CCL14: variants seen among roughly 807,000 people sequenced by gnomAD.
CCL14 encodes C-C motif chemokine 14.
In CCL14, 8 loss-of-function variants were observed where a neutral mutation model predicts 8.2. That is an observed-to-expected ratio of 0.98 (90% confidence interval 0.57 to 1.76). The LOEUF (loss-of-function observed/expected upper bound fraction) is 1.76, where lower values mean the gene tolerates loss of function less well. Ranked by LOEUF, CCL14 falls within the 40% of genes most tolerant of loss-of-function variation. CCL14 has a pLI of 0.00. For missense variants in CCL14, 127 were observed against 118.3 expected, an observed-to-expected ratio of 1.07 and a Z score of -0.34; for synonymous variants, 50 against 43.2, an observed-to-expected ratio of 1.16 and a Z score of -0.62.
chr17:35,984,340 A>G lies in CCL14; in HGVS notation c.192T>C (p.Ile64=). Residue 64 remains isoleucine, a splice_region_variant and synonymous_variant, in exon 2 of 3, where the codon ATT becomes ATC. Transcript: ENST00000618404. ...TGTGATGTGTGTGTACCACCTACAC[A>G]ATTCCGGGCTTGGAGCACTGGCTGT... ...ETNSQCSKPG[I]VFITKRGHSV... 1 of 1,608,576 alleles carries G rather than the reference A, an allele frequency of 6.2e-7. No homozygotes were observed. The highest frequency in any genetic ancestry group is 8.5e-7 in the Non-Finnish European group (1 of 1,175,184).
At chr17:35,986,537 C>A in intron 1 of CCL14, 34 bp downstream of exon 1, 1 of 1,557,422 alleles carries the variant, frequency 6.4e-7, no homozygotes, top group Non-Finnish European at 8.9e-7. Flanking sequence ...CCTGCAGGCT[C>A]TAGGTTGGAA....
At chr17:35,984,518 T>G in intron 1 of CCL14, 66 bp from the exon 2 acceptor site, 1 of 1,021,452 alleles carries the variant, frequency 9.8e-7, no homozygotes, top group Non-Finnish European at 1.6e-6. Flanking sequence ...TGGCTGCTCC[T>G]GCAAGCTGAG....
rs754288246 is a variant in CCL14, at chr17:35,983,850, G to A, written c.233C>T (p.Pro78Leu). The change falls in exon 3 of 3, where the codon CCC (proline) becomes CTC (leucine). Residue 78 changes from proline (P) to leucine (L), a missense_variant. Coordinates refer to ENST00000618404, the MANE Select transcript of CCL14 (RefSeq NM_032963.4). The part of the protein sequence containing the change: ...TKRGHSVCTN[P>L]SDKWVQDYIK... ...ATAGTCCTGGACCCACTTGTCACTG[G>A]GGTTGGTACAGACGGAATGGCCCCT... is the stretch of plus-strand genomic sequence containing the variant. 1 of 1,614,104 alleles carries A rather than the reference G, an allele frequency of 6.2e-7. No individual in the cohort carries two copies. The highest frequency in any genetic ancestry group is 1.7e-5 in the Admixed American group (1 of 60,032).
intron 1 of CCL14, 164 bp from the exon 2 acceptor site, chr17:35,984,616 A>T: frequency 1.6e-6 from 1 of 615,444 alleles, no homozygotes; most frequent in Non-Finnish European, 2.9e-6. Flanking sequence ...CTCCTTCTCC[A>T]TGGTACTCCT....
intron 2 of CCL14, 94 bp downstream of exon 2, chr17:35,984,244 C>T: frequency 2.2e-6 from 2 of 927,126 alleles, no homozygotes; most frequent in Non-Finnish European, 3.5e-6. Flanking sequence ...GGGAGGTACG[C>T]TGGGGGTCCC....
Position 35,984,248 on chromosome 17 carries a change from G to A in CCL14, c.194+90C>T, listed in dbSNP as rs2089720006. ...TAGTCACACCTGGGAGGTACGCTGG[G>A]GGTCCCCATTCCACCACCACTCCCT... On this transcript the variant is annotated intron_variant, in intron 2 of 2. Transcript: ENST00000618404. 5 of 954,360 alleles carry A rather than the reference G, an allele frequency of 5.2e-6. No individual in the cohort carries two copies. In the Admixed American group the frequency reaches 5.4e-5, roughly 10 times the overall value. 59.1% of individuals were successfully genotyped at this position (954,360 alleles called of 1,614,324 possible). A position where few individuals can be genotyped will look rare whatever the true frequency, so the allele number is the denominator to read the frequency against.
intron 2 of CCL14, 110 bp from the exon 3 acceptor site, chr17:35,983,998 T>A (rs767076363): frequency 1.9e-5 from 16 of 830,046 alleles, no homozygotes; most frequent in Middle Eastern, 3.3e-4. Context: ...CTGCTTTTCC[T>A]TTCTTCCACA....
intron 2 of CCL14, 26 bp downstream of exon 2, chr17:35,984,312 C>G (rs768680560): frequency 2.0e-6 from 3 of 1,521,302 alleles, no homozygotes; most frequent in Non-Finnish European, 1.8e-6. Flanking sequence ...CCTCTCCCCC[C>G]AGTGTGATGT....
intron 2 of CCL14, 37 bp from the exon 3 acceptor site, chr17:35,983,925 G>C (rs372084156): frequency 2.7e-6 from 4 of 1,482,426 alleles, no homozygotes; most frequent in Admixed American, 1.7e-5. Context: ...CAAACCGAGG[G>C]GCCCAGTGGC....
At chr17:35,984,478 G>A in intron 1 of CCL14, 26 bp from the exon 2 acceptor site, 2 of 1,535,490 alleles carry the variant, frequency 1.3e-6, no homozygotes, top group Non-Finnish European at 9.0e-7. Context: ...CAGATGCTGA[G>A]GAGGGGCCCC....
chr17:35,986,463 C>T lies in CCL14; in HGVS notation c.79+108G>A, dbSNP rs1471882743. 5 of 782,400 alleles carry T rather than the reference C, an allele frequency of 6.4e-6. No homozygotes were observed. In the East Asian group the frequency reaches 1.3e-4, roughly 20 times the overall value. The allele number at this position is 782,400 out of a possible 1,614,324, so 48.5% of individuals were successfully genotyped here. A position where few individuals can be genotyped will look rare whatever the true frequency, so the allele number is the denominator to read the frequency against. ...ACACACAATTTCAAGAAGATACCAG[C>T]CCTCCTTTCTGAGTCCCTGCTCCTG... On this transcript the variant is annotated intron_variant, in intron 1 of 2. Coordinates refer to ENST00000618404, the MANE Select transcript of CCL14 (RefSeq NM_032963.4).
chr17:35,983,613 G>A lies in CCL14; in HGVS notation c.*188C>T, dbSNP rs544800293. On this transcript the variant is annotated 3_prime_UTR_variant, in exon 3 of 3. Coordinates refer to ENST00000618404, the MANE Select transcript of CCL14 (RefSeq NM_032963.4). ...GGTGCCACACCCTGGTGTCCTCAGT[G>A]CATGGCCAATGAGTAAATCCCGTAG... 2 of 590,374 alleles carry A rather than the reference G, an allele frequency of 3.4e-6. No individual in the cohort carries two copies. Among genetic ancestry groups the A allele is most frequent in the Non-Finnish European group, 6.1e-6 (2 of 329,408 alleles). 36.6% of individuals were successfully genotyped at this position (590,374 alleles called of 1,614,324 possible).
rs978953753 is a variant in CCL14, at chr17:35,986,590, G to A, written c.60C>T (p.Thr20=). ...FFLLITIALG[T]KTESSSRGPY... ...ACTCACGTGAGGAGGATTCAGTCTT[G>A]GTCCCTAGGGCGATGGTGATGAGGA... The change falls in exon 1 of 3, where the codon ACC becomes ACT. Residue 20 remains threonine, a synonymous_variant. Coordinates refer to ENST00000618404, the MANE Select transcript of CCL14 (RefSeq NM_032963.4). 4 of 1,613,744 alleles carry A rather than the reference G, an allele frequency of 2.5e-6. No homozygotes were observed. The highest frequency in any genetic ancestry group is 3.4e-6 in the Non-Finnish European group (4 of 1,179,758).
intron 1 of CCL14, chr17:35,986,320 C>A: frequency 4.1e-6 from 2 of 492,386 alleles, no homozygotes; most frequent in Non-Finnish European, 7.2e-6. Flanking sequence ...TGGAAGATCC[C>A]AACTTAAACT....
At chr17:35,986,488 G>A (rs780531610) in intron 1 of CCL14, 83 bp downstream of exon 1, 82 of 1,056,644 alleles carry the variant, frequency 7.8e-5, no homozygotes, top group Non-Finnish European at 1.1e-4. Flanking sequence ...CCCTGCTCCT[G>A]GTCTTCCCCT....
intron 1 of CCL14, chr17:35,985,955 G>A: frequency 1.6e-6 from 1 of 614,126 alleles, no homozygotes; most frequent in Non-Finnish European, 2.8e-6. Flanking sequence ...TGCACTCACT[G>A]GGCACAGGTG....
At chr17:35,983,991 CT>C in intron 2 of CCL14, 103 bp from the exon 3 acceptor site, 2 of 848,144 alleles carry the variant, frequency 2.4e-6, no homozygotes, top group Admixed American at 3.7e-5. Flanking sequence ...ACCTATACTG[CT>C]TTTCCTTTCT....
intron 1 of CCL14, 54 bp from the exon 2 acceptor site, chr17:35,984,506 A>G (rs1488203626): frequency 3.5e-6 from 4 of 1,139,952 alleles, no homozygotes; most frequent in Admixed American, 1.7e-5. Flanking sequence ...AGGCCATACC[A>G]TTGGCTGCTC....
At chr17:35,984,523 G>T (rs2089729922) in intron 1 of CCL14, 71 bp from the exon 2 acceptor site, 2 of 957,432 alleles carry the variant, frequency 2.1e-6, no homozygotes, top group Non-Finnish European at 3.4e-6. Flanking sequence ...GCTCCTGCAA[G>T]CTGAGGGCAT....
Sources: allele counts gnomAD v4.1 joint callset, GRCh38; gene constraint gnomAD v4.1.1; transcripts MANE v1.5; gene names NCBI Gene and HGNC (gene_info 2026-07-23, HGNC 2026-07-21).